GLIS3: variants seen among roughly 807,000 people sequenced by gnomAD.
The protein encoded by GLIS3 is zinc finger protein GLIS3.
A neutral mutation model predicts 78.6 loss-of-function variants in GLIS3; 53 were observed. The observed-to-expected ratio is 0.67, with a 90% CI of 0.54 to 0.85. GLIS3 has a LOEUF of 0.85. GLIS3 is among the 40% of genes least tolerant of loss of function. The pLI is 0.00. For synonymous variants in GLIS3, 684 were observed against 509.9 expected, an observed-to-expected ratio of 1.34 and a Z score of -4.60; for missense variants, 1,703 against 1,231.1, an observed-to-expected ratio of 1.38 and a Z score of -5.74.
At chr9:3,937,978 AT>A (rs933564875) in intron 4 of GLIS3, among the ~76,000 whole-genome samples, 4 of 152,228 alleles carry the variant, frequency 2.6e-5, no homozygotes, top group African/African-American at 9.6e-5. Context: ...TGTCAATAAT[AT>A]TTATTGACAG....
chr9:4,388,577 G>A, the GLIS3 span, among the ~76,000 whole-genome samples: 2 of 152,152 alleles, frequency 1.3e-5, no homozygotes, highest in Non-Finnish European at 2.9e-5. Flanking sequence ...GCAGGAGGCT[G>A]AGGCAGGAGA....
chr9:4,408,503 C>T, the GLIS3 span, among the ~76,000 whole-genome samples: 7 of 150,578 alleles, frequency 4.6e-5, no homozygotes, highest in Admixed American at 3.3e-4. Context: ...CTGAGGCGGG[C>T]GGATCACAAG....
chr9:4,322,283 G>A (rs1244777944), intron 2 of GLIS3, among the ~76,000 whole-genome samples: 3 of 152,174 alleles, frequency 2.0e-5, no homozygotes, highest in Non-Finnish European at 2.9e-5. Context: ...TATCACTGAT[G>A]GACATTTGGG....
chr9:4,067,091 G>T (rs751951639), intron 4 of GLIS3, among the ~76,000 whole-genome samples: 1 of 152,028 alleles, frequency 6.6e-6, no homozygotes, highest in African/African-American at 2.4e-5. Context: ...TCCTTCCACA[G>T]TCCCCTTCTG....
chr9:4,156,186 AT>A (rs1835029706), intron 2 of GLIS3, among the ~76,000 whole-genome samples: 1 of 152,072 alleles, frequency 6.6e-6, no homozygotes, highest in African/African-American at 2.4e-5. Flanking sequence ...TCACTCTTCC[AT>A]TCTCTCACAT....
chr9:4,402,971 T>C, the GLIS3 span, among the ~76,000 whole-genome samples: 3 of 152,128 alleles, frequency 2.0e-5, no homozygotes, highest in Admixed American at 6.5e-5. Flanking sequence ...AGAAGGTTAA[T>C]AGAACACCAA....
intron 4 of GLIS3, among the ~76,000 whole-genome samples, chr9:4,107,536 C>A (rs2130828120): frequency 6.6e-6 from 1 of 152,264 alleles, no homozygotes; most frequent in Non-Finnish European, 1.5e-5. Flanking sequence ...AGAACAAAAA[C>A]AAGAAATAAA....
chr9:4,387,017 T>G, the GLIS3 span, among the ~76,000 whole-genome samples: 1 of 152,158 alleles, frequency 6.6e-6, no homozygotes, highest in Non-Finnish European at 1.5e-5. Context: ...AGGGGTGGTG[T>G]CTTCACCTGG....
chr9:4,483,375 T>G, the GLIS3 span, among the ~76,000 whole-genome samples: 1 of 152,174 alleles, frequency 6.6e-6, no homozygotes, highest in African/African-American at 2.4e-5. Flanking sequence ...AAATACAACA[T>G]GTAACTCGGC....
chr9:4,437,790 G>A, the GLIS3 span, among the ~76,000 whole-genome samples: 83,074 of 151,992 alleles, frequency 0.55, 23,600 homozygotes, highest in South Asian at 0.72. Context: ...GACAATGAGG[G>A]TGAGGACCTT....
At chr9:3,890,430 A>T (rs1160699134) in intron 7 of GLIS3, among the ~76,000 whole-genome samples, 2 of 152,198 alleles carry the variant, frequency 1.3e-5, no homozygotes, top group African/African-American at 2.4e-5. Context: ...AGACATGGAT[A>T]GAAGGGGTTC....
chr9:3,938,974 A>G (rs1826048760), intron 4 of GLIS3, among the ~76,000 whole-genome samples: 1 of 152,212 alleles, frequency 6.6e-6, no homozygotes, highest in African/African-American at 2.4e-5. Context: ...CGACTCAGAG[A>G]AAACTCTTGG....
the GLIS3 span, among the ~76,000 whole-genome samples, chr9:4,416,474 G>T: frequency 6.6e-6 from 1 of 151,766 alleles, no homozygotes; most frequent in Non-Finnish European, 1.5e-5. Context: ...TGTTCTAAAA[G>T]GTTTATAAAG....
At chr9:4,311,045 G>T (rs1353437671) in intron 2 of GLIS3, among the ~76,000 whole-genome samples, 1 of 152,218 alleles carries the variant, frequency 6.6e-6, no homozygotes, top group African/African-American at 2.4e-5. Context: ...GGACTTTATA[G>T]AAGTGCCTAA....
At chr9:3,834,277 G>C (rs1818214835) in intron 9 of GLIS3, among the ~76,000 whole-genome samples, 1 of 152,122 alleles carries the variant, frequency 6.6e-6, no homozygotes. Flanking sequence ...GAAAGGGAGT[G>C]GGGAAGGTTA....
the GLIS3 span, among the ~76,000 whole-genome samples, chr9:4,363,007 A>C: frequency 2.0e-5 from 3 of 152,146 alleles, no homozygotes; most frequent in African/African-American, 4.8e-5. Flanking sequence ...AAGAGAAGAG[A>C]GGAGAGAAGT....
At chr9:4,311,582 A>G (rs1294334001) in intron 2 of GLIS3, among the ~76,000 whole-genome samples, 1 of 152,052 alleles carries the variant, frequency 6.6e-6, no homozygotes, top group Non-Finnish European at 1.5e-5. Context: ...CCAAGCCAGA[A>G]TAACTCCACA....
In GLIS3 at chr9:4,239,319, TAA is replaced by T. The variant is rs142806886; in HGVS notation, c.388+46717_388+46718del. Among the ~76,000 whole-genome samples, 317 of 144,552 alleles carry T rather than the reference TAA, an allele frequency of 2.2e-3. 6 individuals carry two copies. In the East Asian group the frequency reaches 0.039, roughly 18 times the overall value. The allele number at this position is 144,552 out of a possible 152,430, so 94.8% of individuals were successfully genotyped here. On this transcript the variant is annotated intron_variant, in intron 2 of 10. Coordinates refer to ENST00000381971, the MANE Select transcript of GLIS3 (RefSeq NM_001042413.2). The stretch of plus-strand genomic sequence containing the variant: ...GTACCCTAAAACTTAAAAGTATAAT[TAA>T]AAAAAAAACCAAAAAAAATGTTCTC...
intron 4 of GLIS3, among the ~76,000 whole-genome samples, chr9:3,937,754 T>C (rs940658985): frequency 2.0e-5 from 3 of 152,196 alleles, no homozygotes; most frequent in Non-Finnish European, 4.4e-5. Flanking sequence ...AGAGTGACCA[T>C]GTTAATGTAT....
Sources: gnomAD v4.1 joint callset for allele counts (sites outside exome capture counted in the v4.1 genomes callset) on GRCh38, gnomAD v4.1.1 for gene constraint, MANE v1.5 for transcripts, NCBI Gene and HGNC (gene_info 2026-07-23, HGNC 2026-07-21) for gene names.